Variants in KATNAL1 observed in about 807,000 individuals in gnomAD.
KATNAL1 encodes katanin p60 ATPase-containing subunit A-like 1.
A neutral mutation model predicts 55.2 loss-of-function variants in KATNAL1; 32 were observed. The observed-to-expected ratio is 0.58, with a 90% CI of 0.44 to 0.78. The LOEUF is 0.78. Ranked by LOEUF, KATNAL1 falls within the 30% of genes least tolerant of loss-of-function variation. KATNAL1 has a pLI of 0.00. For missense variants in KATNAL1, 466 were observed against 600.9 expected (o/e 0.78, Z 2.35); for synonymous variants, 193 against 193.6 (o/e 1.00, Z 0.02).
At chr13:30,295,584 C>A (rs1882428370) in intron 1 of KATNAL1, among the ~76,000 whole-genome samples, 1 of 151,804 alleles carries the variant, frequency 6.6e-6, no homozygotes, top group South Asian at 2.1e-4. Flanking sequence ...GGCAACACAG[C>A]AAGACCCCAT....
chr13:30,280,045 A>C lies in KATNAL1; in HGVS notation c.323+18T>G. 5 of 1,597,974 alleles carry C rather than the reference A, an allele frequency of 3.1e-6. No homozygotes were observed. The highest frequency in any genetic ancestry group is 4.3e-6 in the Non-Finnish European group (5 of 1,175,016). On this transcript the variant is annotated intron_variant, in intron 3 of 10. Transcript: ENST00000380615. ...AATTAACTAGAAGCACCTAAAGAGA[A>C]TATAAAGTCCTATTTACCTGTGTTC...
At chr13:30,215,440 A>T (rs1874121538) in intron 9 of KATNAL1, among the ~76,000 whole-genome samples, 3 of 152,192 alleles carry the variant, frequency 2.0e-5, no homozygotes, top group Non-Finnish European at 4.4e-5. Context: ...TACCCAAAGG[A>T]CTATAAATCA....
intron 9 of KATNAL1, among the ~76,000 whole-genome samples, chr13:30,213,270 G>T (rs1049984753): frequency 1.3e-5 from 2 of 152,138 alleles, no homozygotes; most frequent in Non-Finnish European, 2.9e-5. Flanking sequence ...CTGAAATTGT[G>T]GCAATAATCA....
intron 9 of KATNAL1, among the ~76,000 whole-genome samples, chr13:30,220,672 T>C (rs1312352898): frequency 6.6e-6 from 1 of 152,182 alleles, no homozygotes; most frequent in Non-Finnish European, 1.5e-5. Context: ...TATTATTTTA[T>C]GAGCTCAATC....
intron 3 of KATNAL1, among the ~76,000 whole-genome samples, chr13:30,258,083 T>C (rs1052661483): frequency 6.6e-6 from 1 of 152,240 alleles, no homozygotes; most frequent in African/African-American, 2.4e-5. Flanking sequence ...TAGGATTACA[T>C]AGCATCCTTG....
intron 1 of KATNAL1, among the ~76,000 whole-genome samples, chr13:30,295,770 G>C (rs912127709): frequency 2.0e-5 from 3 of 152,166 alleles, no homozygotes; most frequent in African/African-American, 7.2e-5. Context: ...GCAGCAGCAG[G>C]GTTTGGAGAG....
chr13:30,278,493 G>A (rs1327392628), intron 3 of KATNAL1, among the ~76,000 whole-genome samples: 1 of 152,212 alleles, frequency 6.6e-6, no homozygotes, highest in East Asian at 1.9e-4. Context: ...TAGTGTCACT[G>A]TAGTGATATG....
intron 3 of KATNAL1, among the ~76,000 whole-genome samples, chr13:30,259,482 T>C (rs878962033): frequency 6.6e-6 from 1 of 151,900 alleles, no homozygotes; most frequent in Non-Finnish European, 1.5e-5. Context: ...CACTAGGGAG[T>C]GCCAGACAGT....
chr13:30,294,596 G>A (rs930490766), intron 1 of KATNAL1, among the ~76,000 whole-genome samples: 3 of 152,234 alleles, frequency 2.0e-5, no homozygotes, highest in Non-Finnish European at 4.4e-5. Flanking sequence ...AAGTGCTAAT[G>A]TAGAAGCTGC....
intron 4 of KATNAL1, among the ~76,000 whole-genome samples, chr13:30,251,186 TA>T (rs1878270404): frequency 6.6e-6 from 1 of 151,638 alleles, no homozygotes; most frequent in Non-Finnish European, 1.5e-5. Context: ...TTTTATAAAT[TA>T]AGGTTACAAA....
intron 4 of KATNAL1, among the ~76,000 whole-genome samples, chr13:30,252,391 G>C (rs1449836125): frequency 1.3e-5 from 2 of 152,078 alleles, no homozygotes; most frequent in Non-Finnish European, 2.9e-5. Flanking sequence ...AAATATACCA[G>C]GGACCTTAAG....
In KATNAL1 at chr13:30,280,181, T is replaced by C. The variant is rs564578812; in HGVS notation, c.205A>G (p.Ile69Val). ...TTAAAACTTTCTAAAGTGCTGACAATACTTTTAACTTGTTCATATTCCTCC... is the reference window on the plus strand; with the variant it reads ...TTAAAACTTTCTAAAGTGCTGACAACACTTTTAACTTGTTCATATTCCTCC... ...LLEEYEQVKSIVSTLESFKID... is the reference protein window; with the variant it reads ...LLEEYEQVKSVVSTLESFKID... The change falls in exon 3 of 11, where the codon ATT becomes GTT. Residue 69 changes from isoleucine (I) to valine (V), a missense_variant. By Grantham distance (29) the Ile-to-Val change is conservative. Around this residue, in one of 3 missense-constraint regions of KATNAL1, gnomAD observed 248 missense variants for 275.5 expected, o/e 0.90. Transcript: ENST00000380615. The C allele has an allele frequency of 2.5e-6, 4 of 1,610,354 alleles. No individual in the cohort carries two copies. Among genetic ancestry groups the C allele is most frequent in the Non-Finnish European group, 3.4e-6 (4 of 1,178,902 alleles).
chr13:30,299,519 T>C (rs972900501), intron 1 of KATNAL1, among the ~76,000 whole-genome samples: 1 of 152,168 alleles, frequency 6.6e-6, no homozygotes, highest in Non-Finnish European at 1.5e-5. Context: ...TTCTAGAAGC[T>C]ATACTAAAAT....
chr13:30,266,547 A>C lies in KATNAL1; in HGVS notation c.324-10932T>G, dbSNP rs1250728589. Among the ~76,000 whole-genome samples the C allele has an allele frequency of 2.0e-5, 3 of 152,216 alleles. No homozygotes were observed. The South Asian group carries it at 6.2e-4, about 31-fold the overall frequency. On this transcript the variant is annotated intron_variant, in intron 3 of 10. Transcript: ENST00000380615. ...AAGTACTTAACATGCATTTTCATGC[A>C]TGAAAAAAATCACAAGTCTAAATCA...
intron 9 of KATNAL1, among the ~76,000 whole-genome samples, chr13:30,226,687 T>C (rs535883141): frequency 1.4e-4 from 21 of 152,354 alleles, no homozygotes; most frequent in Middle Eastern, 3.4e-3. Flanking sequence ...CATCAAATTA[T>C]ATACTTAAGT....
chr13:30,240,287 T>G lies in KATNAL1; in HGVS notation c.726+173A>C, dbSNP rs895759443. 5.9e-5 allele frequency among the ~76,000 whole-genome samples: 9 copies of G among 152,242 alleles called. No individual in the cohort carries two copies. The South Asian group carries it at 1.7e-3, about 28-fold the overall frequency. ...CACTCCAAGCCCATCTCTCCTGCTATGCAGATGTAACACATCACAACTACA... is the reference window on the plus strand; with the variant it reads ...CACTCCAAGCCCATCTCTCCTGCTAGGCAGATGTAACACATCACAACTACA... On this transcript the variant is annotated intron_variant, in intron 6 of 10. Coordinates refer to ENST00000380615, the MANE Select transcript of KATNAL1 (RefSeq NM_032116.5).
At chr13:30,288,117 G>A (rs1037360977) in intron 1 of KATNAL1, among the ~76,000 whole-genome samples, 1 of 152,130 alleles carries the variant, frequency 6.6e-6, no homozygotes, top group Non-Finnish European at 1.5e-5. Flanking sequence ...AATCACAAAT[G>A]TTCATACATT....
intron 4 of KATNAL1, among the ~76,000 whole-genome samples, chr13:30,251,669 T>C (rs1878334139): frequency 6.6e-6 from 1 of 152,172 alleles, no homozygotes; most frequent in Admixed American, 6.5e-5. Context: ...AGCTATTTTG[T>C]CATAGTAGGA....
chr13:30,276,620 T>C (rs1282378129), intron 3 of KATNAL1, among the ~76,000 whole-genome samples: 1 of 152,204 alleles, frequency 6.6e-6, no homozygotes, highest in Non-Finnish European at 1.5e-5. Flanking sequence ...GAAAGTTCTT[T>C]TTAGTTACCT....
Sources: gnomAD v4.1 joint callset for allele counts (sites outside exome capture counted in the v4.1 genomes callset) on GRCh38, gnomAD v4.1.1 for gene constraint, gnomAD v4.1.1 regional missense constraint, MANE v1.5 for transcripts, NCBI Gene and HGNC (gene_info 2026-07-23, HGNC 2026-07-21) for gene names.